HDGFL3: variants seen among roughly 807,000 people sequenced by gnomAD.
The protein encoded by HDGFL3 is HDGF like 3, also known as hepatoma-derived growth factor-related protein 3.
Under a neutral mutation model 27.6 loss-of-function variants are expected in HDGFL3, and 6 were observed. The ratio of observed to expected loss-of-function variants is 0.22; its 90% CI spans 0.12 to 0.43. HDGFL3 has a LOEUF of 0.43. Among genes scored for constraint, HDGFL3 ranks in the 20% least tolerant of loss-of-function variants. The pLI is 1.00. For synonymous variants in HDGFL3, 88 were observed against 88.9 expected (o/e 0.99, Z 0.05); for missense variants, 207 against 250.1 (o/e 0.83, Z 1.16).
At chr15:83,152,638 T>C (rs920840834) in intron 4 of HDGFL3, among the ~76,000 whole-genome samples, 1 of 150,012 alleles carries the variant, frequency 6.7e-6, no homozygotes, top group Non-Finnish European at 1.5e-5. Context: ...GAGGTGGAGG[T>C]TGCAGTGACA....
chr15:83,116,306 A>C (rs1317222775), intron 3 of HDGFL3, among the ~76,000 whole-genome samples: 6 of 152,194 alleles, frequency 3.9e-5, no homozygotes, highest in African/African-American at 1.4e-4. Flanking sequence ...TTAAATTTGT[A>C]AAGTACCCAA....
intron 1 of HDGFL3, among the ~76,000 whole-genome samples, chr15:83,177,540 T>C (rs892840448): frequency 2.0e-5 from 3 of 152,226 alleles, no homozygotes; most frequent in Admixed American, 1.3e-4. Context: ...CAACAGCAAT[T>C]ATGTTCTGTA....
At chr15:83,185,295 G>A (rs748943413) in intron 1 of HDGFL3, among the ~76,000 whole-genome samples, 13 of 152,082 alleles carry the variant, frequency 8.5e-5, no homozygotes, top group Non-Finnish European at 1.5e-4. Context: ...AAGTGTGCCC[G>A]GCCTAGAAGC....
At chr15:83,173,332 G>C (rs2037269181) in intron 1 of HDGFL3, among the ~76,000 whole-genome samples, 1 of 152,170 alleles carries the variant, frequency 6.6e-6, no homozygotes, top group Non-Finnish European at 1.5e-5. Flanking sequence ...CTTTGTGTTA[G>C]ACGACTTTGT....
At chr15:83,163,823 T>C (rs2037129615) in intron 2 of HDGFL3, 176 bp downstream of exon 2, 4 of 568,810 alleles carry the variant, frequency 7.0e-6, no homozygotes, top group Middle Eastern at 4.1e-4. Flanking sequence ...CTTTTAGTCA[T>C]AAAGACTTCT....
At chr15:83,178,270 T>C (rs2037337279) in intron 1 of HDGFL3, among the ~76,000 whole-genome samples, 1 of 152,224 alleles carries the variant, frequency 6.6e-6, no homozygotes, top group Non-Finnish European at 1.5e-5. Context: ...TAGAATTTTG[T>C]TTTCTGTGTC....
At position 83,207,384 on chromosome 15, in the gene HDGFL3, C is replaced by A; in HGVS notation, c.31G>T (p.Ala11Ser). The A allele has an allele frequency of 2.9e-6, 4 of 1,390,868 alleles. No homozygotes were observed. The highest frequency in any genetic ancestry group is 1.9e-5 in the South Asian group (1 of 53,440). 86.2% of individuals were successfully genotyped at this position (1,390,868 alleles called of 1,614,324 possible). A position where few individuals can be genotyped will look rare whatever the true frequency, so the allele number is the denominator to read the frequency against. The change falls in exon 1 of 6, where the codon GCG becomes TCG. Residue 11 changes from alanine to serine, a missense_variant. Ala to Ser is a moderately conservative substitution (Grantham distance 99). Coordinates refer to ENST00000299633, the MANE Select transcript of HDGFL3 (RefSeq NM_016073.4). The surrounding 1 kb of genome is among the most constrained non-coding windows in gnomAD (Gnocchi z 4.8). MARPRPREYK[A>S]GDLVFAKMKG... is the part of the protein sequence containing the mutation. Reference sequence around the variant, plus strand: ...ATCTTGGCGAAGACCAGGTCGCCCGCTTTGTACTCGCGGGGCCGCGGACGC... The same window carrying A: ...ATCTTGGCGAAGACCAGGTCGCCCGATTTGTACTCGCGGGGCCGCGGACGC...
At chr15:83,120,240 C>G (rs1253710838) in intron 3 of HDGFL3, among the ~76,000 whole-genome samples, 1 of 152,222 alleles carries the variant, frequency 6.6e-6, no homozygotes, top group East Asian at 1.9e-4. Context: ...TCATGATATG[C>G]TAGCTTGGTC....
chr15:83,120,587 CTTTT>C (rs993490763), intron 3 of HDGFL3, among the ~76,000 whole-genome samples: 8 of 125,944 alleles, frequency 6.4e-5, no homozygotes, highest in Non-Finnish European at 8.5e-5. Context: ...CCAGCTAATT[CTTTT>C]TTTTTTTTTT....
intron 2 of HDGFL3, among the ~76,000 whole-genome samples, chr15:83,159,894 T>C (rs1658832253): frequency 6.6e-6 from 1 of 152,016 alleles, no homozygotes; most frequent in Non-Finnish European, 1.5e-5. Flanking sequence ...AGGCTTTGAG[T>C]GAGATGGGAA....
At chr15:83,157,670 C>T (rs764798482) in intron 3 of HDGFL3, 97 bp from the exon 4 acceptor site, 19 of 1,229,300 alleles carry the variant, frequency 1.5e-5, no homozygotes, top group African/African-American at 1.5e-4. Flanking sequence ...GAAAGGGTTC[C>T]GCTTACTCGG....
At chr15:83,119,701 GT>G in intron 3 of HDGFL3, 1 of 1,613,600 alleles carries the variant, frequency 6.2e-7, no homozygotes, top group Non-Finnish European at 8.5e-7. Context: ...TTCACCTGGT[GT>G]GTGCCTTTGC....
intron 1 of HDGFL3, among the ~76,000 whole-genome samples, chr15:83,170,503 G>C (rs2037232630): frequency 6.6e-6 from 1 of 152,158 alleles, no homozygotes; most frequent in Non-Finnish European, 1.5e-5. Flanking sequence ...TGCTGGGATA[G>C]CTGGCTACCC....
At chr15:83,148,275 C>T (rs1467578647) in intron 5 of HDGFL3, among the ~76,000 whole-genome samples, 6 of 152,058 alleles carry the variant, frequency 3.9e-5, no homozygotes, top group African/African-American at 1.2e-4. Flanking sequence ...CTCTTGTACA[C>T]GTATACTAGG....
At chr15:83,152,460 G>C (rs1307510334) in intron 4 of HDGFL3, among the ~76,000 whole-genome samples, 1 of 152,142 alleles carries the variant, frequency 6.6e-6, no homozygotes, top group Non-Finnish European at 1.5e-5. Context: ...CAGCACTTTG[G>C]GAGGCTGTGG....
chr15:83,116,066 A>T (rs1048529350), intron 3 of HDGFL3: 1 of 738,326 alleles, frequency 1.4e-6, no homozygotes, highest in African/African-American at 1.7e-5. Flanking sequence ...TTCATTTCCT[A>T]TAATAGCCTT....
chr15:83,194,404 G>C, intron 1 of HDGFL3, among the ~76,000 whole-genome samples: 1 of 152,136 alleles, frequency 6.6e-6, no homozygotes, highest in East Asian at 1.9e-4. Flanking sequence ...CTAGGAGGCA[G>C]GGAATGTAGA....
chr15:83,129,871 T>C lies in HDGFL3; in HGVS notation c.*9399A>G, dbSNP rs1374470677. 6.6e-6 allele frequency: 1 copy of C among 152,322 alleles called. No homozygotes were observed. 9.4% of individuals were successfully genotyped at this position (152,322 alleles called of 1,614,324 possible). A position where few individuals can be genotyped will look rare whatever the true frequency, so the allele number is the denominator to read the frequency against. On this transcript the variant is annotated 3_prime_UTR_variant, in exon 6 of 6. Transcript: ENST00000299633. ...GGCAGAGTAAGCCTTGCCTTTTTTT[T>C]TGGCCTGGTTCCTCTGCCTTATTCT...
rs2036242955 is a variant in HDGFL3, at chr15:83,131,447, A to G, written c.*7823T>C. On this transcript the variant is annotated 3_prime_UTR_variant, in exon 6 of 6. Coordinates refer to ENST00000299633, the MANE Select transcript of HDGFL3 (RefSeq NM_016073.4). ...GGAGTTTGAGACCAGCCTGGCCAAC[A>G]TGACGAAACCCCGTCTCTACTAAAA... 1 of 152,318 alleles carries G rather than the reference A, an allele frequency of 6.6e-6. No individual in the cohort carries two copies. Among genetic ancestry groups the G allele is most frequent in the Non-Finnish European group, 1.5e-5 (1 of 68,166 alleles). The allele number at this position is 152,318 out of a possible 1,614,324, so 9.4% of individuals were successfully genotyped here. A position where few individuals can be genotyped will look rare whatever the true frequency, so the allele number is the denominator to read the frequency against.
Sources: allele counts gnomAD v4.1 joint callset (sites outside exome capture counted in the v4.1 genomes callset), GRCh38; gene constraint gnomAD v4.1.1; non-coding constraint Gnocchi (gnomAD v3.1); transcripts MANE v1.5; gene names NCBI Gene and HGNC (gene_info 2026-07-23, HGNC 2026-07-21).